PDE4B: variants seen among roughly 807,000 people sequenced by gnomAD.
PDE4B encodes the protein 3',5'-cyclic-AMP phosphodiesterase 4B.
A neutral mutation model predicts 82.2 loss-of-function variants in PDE4B; 20 were observed. That is an observed-to-expected ratio of 0.24 (90% CI 0.17 to 0.35). The LOEUF is 0.35. Among genes scored for constraint, PDE4B ranks in the 10% least tolerant of loss-of-function variants. The pLI, the probability that PDE4B is intolerant of heterozygous loss-of-function variation, is 1.00. For synonymous variants in PDE4B, 320 were observed against 318.9 expected (o/e 1.00, Z -0.04); for missense variants, 655 against 907.2 (o/e 0.72, Z 3.57).
At chr1:66,229,402 C>A (rs1053072295) in intron 3 of PDE4B, among the ~76,000 whole-genome samples, 1 of 152,166 alleles carries the variant, frequency 6.6e-6, no homozygotes, top group South Asian at 2.1e-4. Flanking sequence ...ATTGTGTGAG[C>A]CTTTAAGGCA....
In PDE4B at chr1:66,116,313, T is replaced by G. The variant is rs182593851; in HGVS notation, c.282-131147T>G. 1.5e-3 allele frequency among the ~76,000 whole-genome samples: 222 copies of G among 152,266 alleles called. 1 individual carries two copies. The highest frequency in any genetic ancestry group is 2.3e-3 in the Non-Finnish European group (155 of 68,022). ...TTTAGGAAAGGGTCCATTAAAAAGC[T>G]GGTTTGGACCTCTGTGTTCAAGGGT... On this transcript the variant is annotated intron_variant, in intron 3 of 16. Coordinates refer to ENST00000341517, the MANE Select transcript of PDE4B (RefSeq NM_002600.4).
intron 3 of PDE4B, among the ~76,000 whole-genome samples, chr1:66,072,113 C>A (rs1311687518): frequency 1.3e-5 from 2 of 152,072 alleles, no homozygotes; most frequent in Admixed American, 6.6e-5. Context: ...ACATAAACCG[C>A]TCACTATGCA....
At chr1:65,935,941 A>C (rs1648104435) in intron 3 of PDE4B, among the ~76,000 whole-genome samples, 1 of 152,132 alleles carries the variant, frequency 6.6e-6, no homozygotes, top group Non-Finnish European at 1.5e-5. Flanking sequence ...CTGTCTCAAA[A>C]AAAACAAAAC....
chr1:66,276,231 A>T (rs1429995294), intron 7 of PDE4B, among the ~76,000 whole-genome samples: 1 of 152,238 alleles, frequency 6.6e-6, no homozygotes, highest in Non-Finnish European at 1.5e-5. Flanking sequence ...ACGTCACCTA[A>T]TTCTCCAAAC....
At chr1:66,280,836 T>C (rs1656247015) in intron 7 of PDE4B, among the ~76,000 whole-genome samples, 1 of 152,124 alleles carries the variant, frequency 6.6e-6, no homozygotes, top group Non-Finnish European at 1.5e-5. Context: ...TCTTGAATAT[T>C]TTAGGCCTAT....
chr1:66,357,534 C>A (rs547313049), intron 9 of PDE4B, among the ~76,000 whole-genome samples: 17 of 151,970 alleles, frequency 1.1e-4, no homozygotes, highest in African/African-American at 3.4e-4. Context: ...ATCTCTTGAG[C>A]AAAACCAGTC....
At chr1:66,043,588 C>T (rs1052147149) in intron 3 of PDE4B, among the ~76,000 whole-genome samples, 1 of 151,690 alleles carries the variant, frequency 6.6e-6, no homozygotes, top group Non-Finnish European at 1.5e-5. Context: ...TGCCTAGGAC[C>T]CTGGAGATCT....
chr1:66,266,585 T>C, intron 7 of PDE4B: 1 of 413,186 alleles, frequency 2.4e-6, no homozygotes, highest in Non-Finnish European at 4.9e-6. Flanking sequence ...AATCATTTCT[T>C]TTGGAGGGCA....
At chr1:65,993,011 A>G in intron 3 of PDE4B, 13 of 1,614,020 alleles carry the variant, frequency 8.1e-6, no homozygotes, top group African/African-American at 1.3e-5. Flanking sequence ...TTCCGAGATT[A>G]CCAGGAAACA....
intron 7 of PDE4B, among the ~76,000 whole-genome samples, chr1:66,277,745 G>A (rs560118498): frequency 1.2e-4 from 18 of 152,186 alleles, no homozygotes; most frequent in Non-Finnish European, 2.4e-4. Flanking sequence ...GTCTGGGTTA[G>A]TGACATCTCA....
intron 1 of PDE4B, among the ~76,000 whole-genome samples, chr1:65,883,488 AT>A (rs1382039922): frequency 6.6e-6 from 1 of 152,046 alleles, no homozygotes; most frequent in Admixed American, 6.6e-5. Context: ...AATGCTTGTG[AT>A]TTTTGTACAT....
At chr1:66,011,758 G>T (rs1652500142) in intron 3 of PDE4B, among the ~76,000 whole-genome samples, 1 of 152,008 alleles carries the variant, frequency 6.6e-6, no homozygotes, top group Admixed American at 6.6e-5. Context: ...CAGGCAGAGG[G>T]TGACAAAATA....
chr1:65,891,942 A>G (rs1646857198), intron 1 of PDE4B, among the ~76,000 whole-genome samples: 1 of 152,132 alleles, frequency 6.6e-6, no homozygotes. Flanking sequence ...TGTCAGGCCC[A>G]TGTGATCTGA....
At chr1:66,141,489 A>G (rs1288688978) in intron 3 of PDE4B, among the ~76,000 whole-genome samples, 1 of 151,804 alleles carries the variant, frequency 6.6e-6, no homozygotes, top group East Asian at 1.9e-4. Flanking sequence ...TACTTTTGGC[A>G]TTTTCTCAGA....
At chr1:65,855,958 T>C (rs1293111834) in intron 1 of PDE4B, among the ~76,000 whole-genome samples, 2 of 152,148 alleles carry the variant, frequency 1.3e-5, no homozygotes, top group Non-Finnish European at 2.9e-5. Flanking sequence ...TTTTTGTATC[T>C]TTTCCCAGTT....
intron 1 of PDE4B, among the ~76,000 whole-genome samples, chr1:65,830,315 G>A (rs557789753): frequency 6.6e-6 from 1 of 152,072 alleles, no homozygotes; most frequent in Non-Finnish European, 1.5e-5. Flanking sequence ...ATGAAATATT[G>A]TCTCCTCTAG....
chr1:66,079,450 C>A (rs956645988), intron 3 of PDE4B, among the ~76,000 whole-genome samples: 4 of 152,090 alleles, frequency 2.6e-5, no homozygotes, highest in Non-Finnish European at 1.5e-5. Flanking sequence ...CATGAACCTG[C>A]CAGTGCTTTA....
At chr1:65,903,157 A>T (rs1251745145) in intron 1 of PDE4B, among the ~76,000 whole-genome samples, 1 of 152,160 alleles carries the variant, frequency 6.6e-6, no homozygotes. Flanking sequence ...AAGTGGCAGA[A>T]CTTCTTGTCA....
At chr1:65,836,919 G>A (rs111242664) in intron 1 of PDE4B, among the ~76,000 whole-genome samples, 3 of 152,244 alleles carry the variant, frequency 2.0e-5, no homozygotes, top group African/African-American at 7.2e-5. Context: ...TCTTCATGGG[G>A]CTTAAGCAGT....
Sources: gnomAD v4.1 joint callset for allele counts (sites outside exome capture counted in the v4.1 genomes callset) on GRCh38, gnomAD v4.1.1 for gene constraint, MANE v1.5 for transcripts, NCBI Gene and HGNC (gene_info 2026-07-23, HGNC 2026-07-21) for gene names.